GABRA1: variants seen among roughly 807,000 people sequenced by gnomAD.
The protein encoded by GABRA1 is gamma-aminobutyric acid receptor subunit alpha-1.
GABRA1 carries 9 observed loss-of-function variants against 48.9 expected under a neutral mutation model. The ratio of observed to expected loss-of-function variants is 0.18; its 90% CI spans 0.11 to 0.32. GABRA1 has a LOEUF of 0.32. GABRA1 is among the 10% of genes least tolerant of loss of function. GABRA1 has a pLI of 1.00. For synonymous variants in GABRA1, 210 were observed against 198.7 expected, an observed-to-expected ratio of 1.06 and a Z score of -0.48; for missense variants, 285 against 553.8, an observed-to-expected ratio of 0.51 and a Z score of 4.87.
At chr5:161,882,842 G>A in intron 7 of GABRA1, 141 bp downstream of exon 7, 2 of 814,492 alleles carry the variant, frequency 2.5e-6, no homozygotes, top group Admixed American at 2.0e-5. Context: ...GGGAACTAAT[G>A]TAAACTCGGT....
chr5:161,866,184 A>T (rs552829106), intron 4 of GABRA1, among the ~76,000 whole-genome samples: 36 of 152,174 alleles, frequency 2.4e-4, no homozygotes, highest in Non-Finnish European at 4.7e-4. Flanking sequence ...ATGATTTCTA[A>T]ATTATTTTTG....
At chr5:161,868,973 T>C (rs897613437) in intron 4 of GABRA1, among the ~76,000 whole-genome samples, 18 of 152,296 alleles carry the variant, frequency 1.2e-4, no homozygotes, top group Admixed American at 7.2e-4. Context: ...CAAGACAATG[T>C]TTCAATTGCT....
chr5:161,893,528 A>T (rs921866166), intron 8 of GABRA1, among the ~76,000 whole-genome samples: 5 of 152,144 alleles, frequency 3.3e-5, no homozygotes, highest in Admixed American at 2.6e-4. Context: ...CCAAACAAAC[A>T]AACAAAAGTT....
chr5:161,864,138 G>C (rs986312116), intron 3 of GABRA1, among the ~76,000 whole-genome samples: 1 of 151,980 alleles, frequency 6.6e-6, no homozygotes, highest in African/African-American at 2.4e-5. Context: ...GCTTTTAAAA[G>C]GGTAAACTGC....
At chr5:161,857,047 T>C (rs1581181187) in intron 3 of GABRA1, among the ~76,000 whole-genome samples, 1 of 149,426 alleles carries the variant, frequency 6.7e-6, no homozygotes, top group South Asian at 2.1e-4. Context: ...CCCTTTTTAC[T>C]TTTTTTTATA....
chr5:161,847,459 C>T (rs371181961), upstream of GABRA1: 12 of 152,322 alleles, frequency 7.9e-5, no homozygotes, highest in South Asian at 4.1e-4. Flanking sequence ...AAACAGTTGC[C>T]TCCAAAGGTA....
intron 3 of GABRA1, among the ~76,000 whole-genome samples, chr5:161,864,062 T>C (rs1757960827): frequency 1.3e-5 from 2 of 151,894 alleles, no homozygotes; most frequent in South Asian, 2.1e-4. Context: ...GCAAAGGAGA[T>C]ATATTAGAGA....
intron 6 of GABRA1, 63 bp downstream of exon 6, chr5:161,875,705 A>T: frequency 8.1e-7 from 1 of 1,239,396 alleles, no homozygotes; most frequent in Non-Finnish European, 1.2e-6. Flanking sequence ...CTCTAGCTAT[A>T]TCTGTGAGAA....
At chr5:161,866,220 G>A (rs957254804) in intron 4 of GABRA1, among the ~76,000 whole-genome samples, 14 of 152,016 alleles carry the variant, frequency 9.2e-5, no homozygotes, top group African/African-American at 3.4e-4. Context: ...AAGGAAATGA[G>A]TGTAAAAGTT....
At chr5:161,886,715 T>C (rs1754863835) in intron 7 of GABRA1, among the ~76,000 whole-genome samples, 1 of 151,234 alleles carries the variant, frequency 6.6e-6, no homozygotes, top group Non-Finnish European at 1.5e-5. Context: ...AGGTAGAAGC[T>C]TCACTGAGTC....
At chr5:161,886,755 T>A (rs1465243170) in intron 7 of GABRA1, among the ~76,000 whole-genome samples, 1 of 151,990 alleles carries the variant, frequency 6.6e-6, no homozygotes, top group African/African-American at 2.4e-5. Context: ...CCAACCTGGG[T>A]GACAGAGTGA....
intron 3 of GABRA1, among the ~76,000 whole-genome samples, chr5:161,863,040 C>T (rs1270667693): frequency 6.6e-6 from 1 of 151,822 alleles, no homozygotes; most frequent in African/African-American, 2.4e-5. Flanking sequence ...TGAATTATCG[C>T]TTCAAAACAT....
At chr5:161,872,370 C>T (rs772587784) in intron 4 of GABRA1, 3 of 152,596 alleles carry the variant, frequency 2.0e-5, no homozygotes, top group Admixed American at 6.6e-5. Context: ...GATTCCCTGG[C>T]TGTGAATGAT....
At chr5:161,885,736 T>A (rs1754815560) in intron 7 of GABRA1, among the ~76,000 whole-genome samples, 1 of 152,186 alleles carries the variant, frequency 6.6e-6, no homozygotes, top group South Asian at 2.1e-4. Flanking sequence ...AGCCTTAGTT[T>A]TAAGTGTACT....
At chr5:161,875,506 T>G (rs1754307094) in intron 5 of GABRA1, 54 bp from the exon 6 acceptor site, 10 of 1,364,756 alleles carry the variant, frequency 7.3e-6, no homozygotes, top group Non-Finnish European at 9.4e-6. Context: ...CTTGTACTTA[T>G]CAAGAAGTAT....
chr5:161,863,975 C>T (rs10041985), intron 3 of GABRA1, among the ~76,000 whole-genome samples: 5 of 151,818 alleles, frequency 3.3e-5, no homozygotes, highest in Admixed American at 3.3e-4. Flanking sequence ...ACAGAAACTT[C>T]CCCCCTTGCT....
At chr5:161,867,077 T>G (rs896237196) in intron 4 of GABRA1, among the ~76,000 whole-genome samples, 10 of 152,284 alleles carry the variant, frequency 6.6e-5, no homozygotes, top group African/African-American at 2.4e-4. Flanking sequence ...GCAAGAAATA[T>G]AATATGAAAG....
intron 8 of GABRA1, among the ~76,000 whole-genome samples, chr5:161,892,589 T>C (rs12716387): frequency 0.63 from 95,301 of 152,074 alleles, 30,177 homozygotes; most frequent in Admixed American, 0.7. Flanking sequence ...TCGATATTAA[T>C]TAGCAATGAA....
intron 3 of GABRA1, among the ~76,000 whole-genome samples, chr5:161,861,882 T>C (rs952426595): frequency 6.6e-6 from 1 of 151,920 alleles, no homozygotes; most frequent in African/African-American, 2.4e-5. Context: ...AGTCTCCATG[T>C]GGTGCCTACC....
Sources: allele counts gnomAD v4.1 joint callset (sites outside exome capture counted in the v4.1 genomes callset), GRCh38; gene constraint gnomAD v4.1.1; transcripts MANE v1.5; gene names NCBI Gene and HGNC (gene_info 2026-07-23, HGNC 2026-07-21).